The following ARMC3 variants were observed in gnomAD, a reference collection of about 807,000 sequenced individuals.
The protein encoded by ARMC3 is armadillo repeat containing 3.
Under a neutral mutation model 90.3 loss-of-function variants are expected in ARMC3, and 74 were observed. The observed-to-expected ratio is 0.82, with a 90% CI of 0.68 to 0.99. ARMC3 has a LOEUF of 0.99. ARMC3 is among the 50% of genes least tolerant of loss of function. The pLI, the probability that ARMC3 is intolerant of heterozygous loss-of-function variation, is 0.00. For missense variants in ARMC3, 958 were observed against 1,042.8 expected (o/e 0.92, Z 1.12); for synonymous variants, 334 against 361.8 (o/e 0.92, Z 0.87).
chr10:22,945,386 T>C (rs1338850378), intron 2 of ARMC3, among the ~76,000 whole-genome samples: 1 of 152,230 alleles, frequency 6.6e-6, no homozygotes, highest in Non-Finnish European at 1.5e-5. Flanking sequence ...ATTTGTTTTC[T>C]CCTTGACCAC....
At chr10:23,022,597 G>A (rs1838555002) in intron 16 of ARMC3, among the ~76,000 whole-genome samples, 1 of 152,138 alleles carries the variant, frequency 6.6e-6, no homozygotes, top group African/African-American at 2.4e-5. Flanking sequence ...ACAACACTAG[G>A]CAAACTCAGT....
chr10:22,986,508 C>T (rs565797727), intron 10 of ARMC3, among the ~76,000 whole-genome samples: 190 of 148,732 alleles, frequency 1.3e-3, no homozygotes, highest in African/African-American at 4.5e-3. Context: ...GCCAAGATCG[C>T]GCCACTTCAC....
At chr10:22,979,504 A>C (rs1836092809) in intron 8 of ARMC3, among the ~76,000 whole-genome samples, 1 of 152,178 alleles carries the variant, frequency 6.6e-6, no homozygotes, top group Non-Finnish European at 1.5e-5. Flanking sequence ...CTGTTTTCTG[A>C]ATGCAACATC....
chr10:22,999,799 C>A (rs1355038071), intron 11 of ARMC3, among the ~76,000 whole-genome samples: 1 of 152,188 alleles, frequency 6.6e-6, no homozygotes, highest in Non-Finnish European at 1.5e-5. Context: ...CTTCTGTCTC[C>A]TTGATCTCTA....
intron 4 of ARMC3, among the ~76,000 whole-genome samples, chr10:22,957,135 A>T (rs1382703910): frequency 6.6e-6 from 1 of 152,106 alleles, no homozygotes; most frequent in Non-Finnish European, 1.5e-5. Context: ...CCGTCTTATG[A>T]TAATCTCAGC....
At chr10:23,013,180 T>C (rs1274985574) in intron 16 of ARMC3, among the ~76,000 whole-genome samples, 2 of 149,278 alleles carry the variant, frequency 1.3e-5, no homozygotes, top group Admixed American at 6.6e-5. Context: ...ATTACAGGCG[T>C]GAAACACCAT....
At chr10:22,962,225 C>A in intron 7 of ARMC3, 147 bp downstream of exon 7, 1 of 552,446 alleles carries the variant, frequency 1.8e-6, no homozygotes, top group Non-Finnish European at 2.8e-6. Context: ...CTGCTTAAAT[C>A]AGGCTAATTG....
intron 16 of ARMC3, among the ~76,000 whole-genome samples, chr10:23,010,905 T>A (rs72812477): frequency 5.0e-5 from 1 of 20,048 alleles, no homozygotes; most frequent in African/African-American, 1.2e-4. Flanking sequence ...CTTCCCTTCC[T>A]TCCCCTCTTC....
At chr10:23,003,519 T>C in intron 13 of ARMC3, 105 bp downstream of exon 13, 1 of 990,244 alleles carries the variant, frequency 1.0e-6, no homozygotes. Flanking sequence ...GTAATTTATA[T>C]TTTTACAGGC....
chr10:22,963,922 CAAAAAAAAAAAAAAA>C (rs35508443), intron 7 of ARMC3, among the ~76,000 whole-genome samples: 17 of 58,558 alleles, frequency 2.9e-4, no homozygotes, highest in African/African-American at 1.1e-3. Flanking sequence ...CACACACACA[CAAAAAAAAAAAAAAA>C]AAAAAAAAAA....
At chr10:23,016,043 C>T (rs534192533) in intron 16 of ARMC3, among the ~76,000 whole-genome samples, 1 of 152,186 alleles carries the variant, frequency 6.6e-6, no homozygotes, top group African/African-American at 2.4e-5. Flanking sequence ...CAGAACAAAT[C>T]CTATCTCTAC....
intron 4 of ARMC3, among the ~76,000 whole-genome samples, chr10:22,958,174 G>C (rs1432915941): frequency 6.6e-6 from 1 of 152,172 alleles, no homozygotes; most frequent in Non-Finnish European, 1.5e-5. Context: ...CATGCAGGTG[G>C]TTAGTAGTGG....
intron 4 of ARMC3, among the ~76,000 whole-genome samples, chr10:22,957,712 T>C (rs1835006469): frequency 1.3e-5 from 2 of 152,212 alleles, no homozygotes; most frequent in Admixed American, 1.3e-4. Context: ...AGAAGTTAAA[T>C]AAGGCAGTAC....
intron 8 of ARMC3, among the ~76,000 whole-genome samples, chr10:22,969,771 C>G (rs1023484259): frequency 3.9e-5 from 6 of 152,282 alleles, no homozygotes; most frequent in Middle Eastern, 6.8e-3. Context: ...CGGACAATGC[C>G]AAACCTGAAA....
intron 8 of ARMC3, 115 bp downstream of exon 8, chr10:22,968,604 T>A: frequency 1.1e-6 from 1 of 915,508 alleles, no homozygotes; most frequent in Non-Finnish European, 1.5e-6. Context: ...AGGTTACAAG[T>A]GATTCTCCCA....
At chr10:22,936,380 C>A (rs1454914175) in intron 2 of ARMC3, among the ~76,000 whole-genome samples, 2 of 152,136 alleles carry the variant, frequency 1.3e-5, no homozygotes, top group East Asian at 3.8e-4. Flanking sequence ...CCTGTGACTA[C>A]CATATTGGAT....
At chr10:22,963,885 TCTCACACACA>T (rs1161425309) in intron 7 of ARMC3, among the ~76,000 whole-genome samples, 2 of 75,746 alleles carry the variant, frequency 2.6e-5, no homozygotes, top group South Asian at 5.2e-4. Context: ...CGAGACTCTG[TCTCACACACA>T]CACACACACA....
chr10:22,984,311 G>A (rs1404936694), intron 10 of ARMC3, among the ~76,000 whole-genome samples: 2 of 152,078 alleles, frequency 1.3e-5, no homozygotes, highest in Non-Finnish European at 1.5e-5. Context: ...GTGTTGTCAT[G>A]GTAACATATA....
Position 23,037,322 on chromosome 10 carries a change from G to T in ARMC3, c.2462G>T (p.Gly821Val). 1.9e-6 allele frequency: 3 copies of T among 1,613,700 alleles called. No individual in the cohort carries two copies. The highest frequency in any genetic ancestry group is 2.5e-6 in the Non-Finnish European group (3 of 1,179,790). Residue 821 changes from glycine (G) to valine (V), a missense_variant, in exon 19 of 19, where the codon GGT becomes GTT. By Grantham distance (109) the Gly-to-Val change is moderately radical. Coordinates refer to ENST00000298032, the MANE Select transcript of ARMC3 (RefSeq NM_173081.5). ...IGCSLVRGEY[G>V]RAWNEVMLQN... ...TGCTCCCTAGTTCGCGGAGAGTACG[G>T]TAGAGCGTGGAATGAAGTCATGCTG...
Sources: allele counts gnomAD v4.1 joint callset (sites outside exome capture counted in the v4.1 genomes callset), GRCh38; gene constraint gnomAD v4.1.1; transcripts MANE v1.5; gene names NCBI Gene and HGNC (gene_info 2026-07-23, HGNC 2026-07-21).